The following CA10 variants were observed in gnomAD, a reference collection of about 807,000 sequenced individuals.
The protein encoded by CA10 is carbonic anhydrase-related protein 10.
In CA10, 14 loss-of-function variants were observed where a neutral mutation model predicts 44.2. The observed-to-expected ratio is 0.32, with a 90% CI of 0.21 to 0.50. The LOEUF (loss-of-function observed/expected upper bound fraction) is 0.50, where lower values mean the gene tolerates loss of function less well. Among genes scored for constraint, CA10 ranks in the 20% least tolerant of loss-of-function variants. CA10 has a pLI of 0.99. For missense variants in CA10, 350 were observed against 409.7 expected, an observed-to-expected ratio of 0.85 and a Z score of 1.26; for synonymous variants, 159 against 141.6, an observed-to-expected ratio of 1.12 and a Z score of -0.87.
At chr17:51,726,172 G>A (rs1916514680) in intron 4 of CA10, among the ~76,000 whole-genome samples, 1 of 152,132 alleles carries the variant, frequency 6.6e-6, no homozygotes, top group African/African-American at 2.4e-5. Flanking sequence ...AGAAGAAACT[G>A]GGAAATACTC....
At chr17:51,848,946 T>C (rs1040934151) in intron 3 of CA10, among the ~76,000 whole-genome samples, 1 of 151,638 alleles carries the variant, frequency 6.6e-6, no homozygotes, top group African/African-American at 2.4e-5. Flanking sequence ...CTCAGGACAC[T>C]GAAGCAGGGG....
Position 52,026,906 on chromosome 17 carries a change from A to G in CA10, c.136+45413T>C, listed in dbSNP as rs899036531. ...CGAGGAACCAGTTTTGTGGAAGACA[A>G]TATTTCTGTGGACCTGGGGTGGGGG... On this transcript the variant is annotated intron_variant, in intron 2 of 8. Transcript: ENST00000451037. Among the ~76,000 whole-genome samples the G allele has an allele frequency of 7.9e-5, 12 of 152,062 alleles. 1 individual carries two copies. Among genetic ancestry groups the G allele is most frequent in the Non-Finnish European group, 4.4e-5 (3 of 68,012 alleles).
intron 3 of CA10, among the ~76,000 whole-genome samples, chr17:51,853,322 T>C (rs562676455): frequency 4.0e-4 from 61 of 152,320 alleles, no homozygotes; most frequent in African/African-American, 1.3e-3. Flanking sequence ...CCTCAGGCTG[T>C]TCTGCATAAG....
chr17:52,040,541 T>C (rs1481076996), intron 2 of CA10, among the ~76,000 whole-genome samples: 1 of 152,000 alleles, frequency 6.6e-6, no homozygotes, highest in Non-Finnish European at 1.5e-5. Context: ...TTAGTATAGA[T>C]ACATAAAAAG....
At position 52,120,218 on chromosome 17, in the gene CA10, A is replaced by G. The variant is rs563876656; in HGVS notation, c.61+37508T>C. ...GTTTCATTTTGATACATGTTTTCCAATAACCCAGTTTGTCTCTTCTGGCCT... is the reference window on the plus strand; with the variant it reads ...GTTTCATTTTGATACATGTTTTCCAGTAACCCAGTTTGTCTCTTCTGGCCT... On this transcript the variant is annotated intron_variant, in intron 1 of 8. Coordinates refer to ENST00000451037, the MANE Select transcript of CA10 (RefSeq NM_020178.5). Among the ~76,000 whole-genome samples, 10 of 152,216 alleles carry G rather than the reference A, an allele frequency of 6.6e-5. No homozygotes were observed. In the East Asian group the frequency reaches 1.5e-3, roughly 24 times the overall value.
intron 3 of CA10, among the ~76,000 whole-genome samples, chr17:51,755,296 A>G (rs1346335391): frequency 6.6e-6 from 1 of 152,220 alleles, no homozygotes; most frequent in Non-Finnish European, 1.5e-5. Context: ...AGGAAGAGGT[A>G]TATCTTTTTA....
intron 3 of CA10, among the ~76,000 whole-genome samples, chr17:51,850,659 C>T (rs1978754634): frequency 6.6e-6 from 1 of 152,192 alleles, no homozygotes; most frequent in African/African-American, 2.4e-5. Context: ...ACATAGGCAG[C>T]AGATATTGCA....
chr17:51,826,184 C>T (rs1445994009), intron 3 of CA10, among the ~76,000 whole-genome samples: 4 of 152,126 alleles, frequency 2.6e-5, no homozygotes, highest in South Asian at 4.1e-4. Flanking sequence ...GCTATATACA[C>T]GTGGAAGAAC....
At chr17:52,029,277 A>G (rs778708127) in intron 2 of CA10, among the ~76,000 whole-genome samples, 3 of 152,144 alleles carry the variant, frequency 2.0e-5, no homozygotes, top group Non-Finnish European at 4.4e-5. Flanking sequence ...TCATCATAGG[A>G]GATGAAAAAT....
chr17:51,936,614 G>A (rs915352936), intron 2 of CA10, among the ~76,000 whole-genome samples: 1 of 152,164 alleles, frequency 6.6e-6, no homozygotes, highest in Non-Finnish European at 1.5e-5. Flanking sequence ...GAAATGAGAT[G>A]GGGGCTGGCT....
At chr17:51,940,291 A>G (rs1405747305) in intron 2 of CA10, among the ~76,000 whole-genome samples, 1 of 152,108 alleles carries the variant, frequency 6.6e-6, no homozygotes, top group African/African-American at 2.4e-5. Flanking sequence ...GAGTGTAGTA[A>G]CATTTATGGT....
chr17:52,150,978 T>G (rs996358159), intron 1 of CA10, among the ~76,000 whole-genome samples: 1 of 152,124 alleles, frequency 6.6e-6, no homozygotes, highest in Non-Finnish European at 1.5e-5. Flanking sequence ...AATGGGCAAA[T>G]TGATCTATTA....
At chr17:51,637,690 G>A (rs1912893636) in intron 6 of CA10, among the ~76,000 whole-genome samples, 1 of 152,224 alleles carries the variant, frequency 6.6e-6, no homozygotes, top group African/African-American at 2.4e-5. Context: ...GAGTCAGGCA[G>A]ATAGTAACAT....
intron 2 of CA10, among the ~76,000 whole-genome samples, chr17:51,936,631 A>G (rs1352025281): frequency 5.3e-5 from 8 of 152,144 alleles, no homozygotes; most frequent in African/African-American, 1.9e-4. Context: ...GGCTGGGTAG[A>G]CCAGGAACAG....
intron 3 of CA10, among the ~76,000 whole-genome samples, chr17:51,840,510 C>T (rs1978311143): frequency 6.8e-6 from 1 of 148,050 alleles, no homozygotes; most frequent in Admixed American, 6.7e-5. Flanking sequence ...CACACACACA[C>T]ACACACGTAC....
chr17:51,677,442 A>T (rs1401976602), intron 4 of CA10, among the ~76,000 whole-genome samples: 1 of 152,058 alleles, frequency 6.6e-6, no homozygotes, highest in Non-Finnish European at 1.5e-5. Context: ...CATCATTGTA[A>T]GTTTCCTGAG....
chr17:52,052,856 G>A (rs1010961136), intron 2 of CA10, among the ~76,000 whole-genome samples: 1 of 151,976 alleles, frequency 6.6e-6, no homozygotes, highest in Non-Finnish European at 1.5e-5. Flanking sequence ...TTTGGATATG[G>A]CATTTGCTCC....
At chr17:51,998,291 T>C (rs1396531960) in intron 2 of CA10, among the ~76,000 whole-genome samples, 1 of 152,080 alleles carries the variant, frequency 6.6e-6, no homozygotes, top group Non-Finnish European at 1.5e-5. Context: ...AATTTTGTGC[T>C]TAATTACACA....
intron 2 of CA10, among the ~76,000 whole-genome samples, chr17:52,004,789 G>A (rs1985542378): frequency 6.6e-6 from 1 of 151,856 alleles, no homozygotes; most frequent in South Asian, 2.1e-4. Flanking sequence ...GAATGAGATA[G>A]TGAAAACGCA....
Sources: allele counts gnomAD v4.1 joint callset (sites outside exome capture counted in the v4.1 genomes callset), GRCh38; gene constraint gnomAD v4.1.1; transcripts MANE v1.5; gene names NCBI Gene and HGNC (gene_info 2026-07-23, HGNC 2026-07-21).